The following B3GALT1 variants were observed in gnomAD, a reference collection of about 807,000 sequenced individuals.
B3GALT1 encodes beta-1,3-galactosyltransferase 1.
B3GALT1 carries 10 observed loss-of-function variants against 23.2 expected under a neutral mutation model. The ratio of observed to expected loss-of-function variants is 0.43; its 90% CI spans 0.27 to 0.73. B3GALT1 has a LOEUF of 0.73. Ranked by LOEUF, B3GALT1 falls within the 30% of genes least tolerant of loss-of-function variation. B3GALT1 has a pLI of 0.21. For synonymous variants in B3GALT1, 156 were observed against 141.5 expected (o/e 1.10, Z -0.73); for missense variants, 299 against 405.4 (o/e 0.74, Z 2.25).
intron 1 of B3GALT1, among the ~76,000 whole-genome samples, chr2:167,374,797 G>T (rs1697737404): frequency 1.3e-5 from 2 of 151,846 alleles, no homozygotes; most frequent in South Asian, 4.1e-4. Flanking sequence ...TAGGTTGTCT[G>T]TTTACTCTAT....
intron 1 of B3GALT1, among the ~76,000 whole-genome samples, chr2:167,354,503 C>T (rs537616225): frequency 5.9e-5 from 9 of 152,128 alleles, no homozygotes; most frequent in Admixed American, 2.6e-4. Flanking sequence ...CGTGCCACCA[C>T]GCCCAGCTAA....
chr2:167,456,736 A>C (rs1438683760), intron 1 of B3GALT1, among the ~76,000 whole-genome samples: 2 of 152,160 alleles, frequency 1.3e-5, no homozygotes, highest in Non-Finnish European at 2.9e-5. Flanking sequence ...AAGAACAGTC[A>C]AATAAAAGAC....
In B3GALT1 at chr2:167,871,126, G is replaced by A. The variant is rs1255850922; in HGVS notation, c.*1106G>A. 1 of 152,164 alleles carries A rather than the reference G, an allele frequency of 6.6e-6. No homozygotes were observed. The highest frequency in any genetic ancestry group is 1.5e-5 in the Non-Finnish European group (1 of 68,022). 9.4% of individuals were successfully genotyped at this position (152,164 alleles called of 1,614,324 possible). A position where few individuals can be genotyped will look rare whatever the true frequency, so the allele number is the denominator to read the frequency against. ...GAGGTATTCTGGGGGCTCTGTGATT[G>A]AGGAAGGATGGGGAAGGCCAGGTTC... On this transcript the variant is annotated 3_prime_UTR_variant, in exon 5 of 5. Transcript: ENST00000392690.
chr2:167,563,900 C>CGGGGCGGCCGGCCGGGCGG (rs1684084277), intron 2 of B3GALT1, among the ~76,000 whole-genome samples: 4 of 116,870 alleles, frequency 3.4e-5, no homozygotes, highest in Admixed American at 2.3e-4. Flanking sequence ...GCCGGCCGGG[C>CGGGGCGGCCGGCCGGGCGG]GGGGCCGATC....
At chr2:167,654,254 A>G (rs1293407754) in intron 3 of B3GALT1, among the ~76,000 whole-genome samples, 1 of 152,186 alleles carries the variant, frequency 6.6e-6, no homozygotes, top group Non-Finnish European at 1.5e-5. Flanking sequence ...CATTTAGAAT[A>G]TATTTGATAA....
chr2:167,762,262 A>C (rs1305377555), intron 3 of B3GALT1, among the ~76,000 whole-genome samples: 2 of 152,330 alleles, frequency 1.3e-5, no homozygotes, highest in South Asian at 4.1e-4. Context: ...AATAAGATTT[A>C]AAACAATACC....
At chr2:167,533,124 G>C (rs1683357320) in intron 2 of B3GALT1, among the ~76,000 whole-genome samples, 1 of 151,836 alleles carries the variant, frequency 6.6e-6, no homozygotes, top group South Asian at 2.1e-4. Context: ...GCCTCCCAAA[G>C]TGCTGGAATT....
chr2:167,866,217 T>C (rs1315620891), intron 4 of B3GALT1, among the ~76,000 whole-genome samples: 2 of 152,172 alleles, frequency 1.3e-5, no homozygotes, highest in African/African-American at 4.8e-5. Context: ...AGGAGTGAGA[T>C]TCACGTTACG....
At chr2:167,335,661 T>C (rs1697048516) in intron 1 of B3GALT1, among the ~76,000 whole-genome samples, 1 of 152,218 alleles carries the variant, frequency 6.6e-6, no homozygotes, top group South Asian at 2.1e-4. Context: ...ATGGTGCTGG[T>C]AGGAGTGTCT....
rs368090440 is a variant in B3GALT1 at position 167,631,019 on chromosome 2, A to AG, written c.-409-15882dup. Among the ~76,000 whole-genome samples the AG allele has an allele frequency of 6.8e-3, 821 of 120,742 alleles. 7 individuals carry two copies. The highest frequency in any genetic ancestry group is 0.017 in the African/African-American group (551 of 32,546). The allele number at this position is 120,742 out of a possible 152,430, so 79.2% of individuals were successfully genotyped here. On this transcript the variant is annotated intron_variant, in intron 2 of 4. Transcript: ENST00000392690. ...GGAACTAGGATTGGGGGTAAAAAAA[A>AG]GGGGGGGGAATTTTACTTTTCACTT...
chr2:167,559,795 TG>T (rs1355683847), intron 2 of B3GALT1, among the ~76,000 whole-genome samples: 1 of 152,044 alleles, frequency 6.6e-6, no homozygotes, highest in Non-Finnish European at 1.5e-5. Flanking sequence ...CCAAGAAATA[TG>T]GGACTATGTG....
chr2:167,632,194 T>C (rs2105448143), intron 2 of B3GALT1, among the ~76,000 whole-genome samples: 1 of 152,252 alleles, frequency 6.6e-6, no homozygotes, highest in Non-Finnish European at 1.5e-5. Context: ...TAGTCTATCA[T>C]TGATGGGCAT....
intron 1 of B3GALT1, among the ~76,000 whole-genome samples, chr2:167,409,644 A>G (rs1698360746): frequency 6.6e-6 from 1 of 152,072 alleles, no homozygotes; most frequent in South Asian, 2.1e-4. Context: ...TCTAGTTAGC[A>G]GTTCCTGTAA....
chr2:167,414,953 C>A (rs1698445922), intron 1 of B3GALT1, among the ~76,000 whole-genome samples: 1 of 152,150 alleles, frequency 6.6e-6, no homozygotes, highest in Non-Finnish European at 1.5e-5. Flanking sequence ...TAATGCTTTT[C>A]AAGTGAGAAG....
At chr2:167,451,020 A>G (rs1407466865) in intron 1 of B3GALT1, among the ~76,000 whole-genome samples, 1 of 151,710 alleles carries the variant, frequency 6.6e-6, no homozygotes, top group Non-Finnish European at 1.5e-5. Context: ...CATTTCTCTA[A>G]GTGCATCCTT....
intron 4 of B3GALT1, among the ~76,000 whole-genome samples, chr2:167,854,131 A>T (rs369554458): frequency 2.7e-4 from 41 of 152,316 alleles, no homozygotes; most frequent in African/African-American, 9.6e-4. Flanking sequence ...CCAGCAATTA[A>T]TAATAGCCAA....
chr2:167,329,555 T>A (rs991830114), intron 1 of B3GALT1, among the ~76,000 whole-genome samples: 10 of 152,216 alleles, frequency 6.6e-5, no homozygotes, highest in Non-Finnish European at 1.5e-5. Flanking sequence ...TGATTTTCTG[T>A]CTTGAGGTTG....
intron 3 of B3GALT1, among the ~76,000 whole-genome samples, chr2:167,650,977 T>C (rs1685852968): frequency 6.6e-6 from 1 of 152,094 alleles, no homozygotes; most frequent in South Asian, 2.1e-4. Context: ...AATTATGTGT[T>C]CCCCATGCTT....
rs542337034 is a variant in B3GALT1, at chr2:167,621,977, G to A, written c.-409-24932G>A. 2.0e-5 allele frequency among the ~76,000 whole-genome samples: 3 copies of A among 152,124 alleles called. No individual in the cohort carries two copies. The South Asian group carries it at 6.2e-4, about 32-fold the overall frequency. ...TCCTTTATAAATTACCCAGTCTTGG[G>A]TTTGTCTTTATTAGCAGCATGAGAA... On this transcript the variant is annotated intron_variant, in intron 2 of 4. Coordinates refer to ENST00000392690, the MANE Select transcript of B3GALT1 (RefSeq NM_020981.4).
Sources: allele counts gnomAD v4.1 joint callset (sites outside exome capture counted in the v4.1 genomes callset), GRCh38; gene constraint gnomAD v4.1.1; transcripts MANE v1.5; gene names NCBI Gene and HGNC (gene_info 2026-07-23, HGNC 2026-07-21).